The following CCDC171 variants were observed in gnomAD, a reference collection of about 807,000 sequenced individuals.
CCDC171 encodes coiled-coil domain-containing protein 171.
In CCDC171, 177 loss-of-function variants were observed where a neutral mutation model predicts 168.2. The observed-to-expected ratio is 1.05, with a 90% CI of 0.93 to 1.19. CCDC171 has a LOEUF of 1.19. Ranked by LOEUF, CCDC171 falls within the 50% of genes most tolerant of loss-of-function variation. The pLI is 0.00. For synonymous variants in CCDC171, 687 were observed against 540.8 expected, an observed-to-expected ratio of 1.27 and a Z score of -3.75; for missense variants, 1,991 against 1,539.0, an observed-to-expected ratio of 1.29 and a Z score of -4.91.
chr9:15,921,241 A>G (rs191842541), intron 25 of CCDC171, among the ~76,000 whole-genome samples: 9 of 151,722 alleles, frequency 5.9e-5, no homozygotes, highest in African/African-American at 2.2e-4. Context: ...ATTAAAACAA[A>G]TAGATGCATG....
At chr9:15,896,432 T>G (rs1303563665) in intron 24 of CCDC171, among the ~76,000 whole-genome samples, 1 of 152,100 alleles carries the variant, frequency 6.6e-6, no homozygotes, top group Non-Finnish European at 1.5e-5. Context: ...ATGGTGCCAG[T>G]AAAAACTTTG....
At chr9:16,090,231 GA>G in the CCDC171 span, among the ~76,000 whole-genome samples, 10 of 152,312 alleles carry the variant, frequency 6.6e-5, no homozygotes, top group South Asian at 1.9e-3. Context: ...CATGGAATAT[GA>G]AGCAGCCATA....
chr9:16,002,421 T>C (rs371460801), intron 3 of CCDC171, among the ~76,000 whole-genome samples: 10 of 151,894 alleles, frequency 6.6e-5, no homozygotes, highest in African/African-American at 2.4e-4. Flanking sequence ...TTTTAAAAAA[T>C]TAAAAATTTA....
rs566145674 is a variant in CCDC171 at position 15,925,992 on chromosome 9, A to T, written c.3753+5570A>T. 4.6e-5 allele frequency among the ~76,000 whole-genome samples: 7 copies of T among 151,832 alleles called. No individual in the cohort carries two copies. The South Asian group carries it at 1.5e-3, about 31-fold the overall frequency. ...AGGTATGGAGACAGAGGTGAATAAGACATGCTCTGCCCTTGTGAGTTCCTC... is the reference window on the plus strand; with the variant it reads ...AGGTATGGAGACAGAGGTGAATAAGTCATGCTCTGCCCTTGTGAGTTCCTC... On this transcript the variant is annotated intron_variant, in intron 25 of 25. Coordinates refer to ENST00000380701, the MANE Select transcript of CCDC171 (RefSeq NM_173550.4).
At chr9:15,635,978 A>G (rs747277136) in intron 7 of CCDC171, among the ~76,000 whole-genome samples, 2 of 151,996 alleles carry the variant, frequency 1.3e-5, no homozygotes, top group Admixed American at 6.6e-5. Flanking sequence ...TATTACAACC[A>G]CTGTAGTAGG....
intron 1 of CCDC171, among the ~76,000 whole-genome samples, chr9:16,043,545 T>C (rs1833607164): frequency 6.6e-6 from 1 of 152,208 alleles, no homozygotes; most frequent in South Asian, 2.1e-4. Flanking sequence ...ACAATATTTG[T>C]TTTCCATGGT....
intron 3 of CCDC171, among the ~76,000 whole-genome samples, chr9:15,991,204 A>AAC (rs569985598): frequency 1.3e-3 from 196 of 152,338 alleles, no homozygotes; most frequent in African/African-American, 4.5e-3. Context: ...AATTTAAAAG[A>AAC]ACAGAAATTA....
chr9:16,059,436 T>C (rs1312943695), intron 1 of CCDC171, among the ~76,000 whole-genome samples: 1 of 151,066 alleles, frequency 6.6e-6, no homozygotes, highest in African/African-American at 2.4e-5. Context: ...AAACGGCACC[T>C]CAAGGGGGCT....
intron 24 of CCDC171, among the ~76,000 whole-genome samples, chr9:15,884,272 G>T (rs910588545): frequency 3.3e-5 from 2 of 60,610 alleles, no homozygotes; most frequent in African/African-American, 6.7e-5. Flanking sequence ...TGATTATGAG[G>T]ATCCTATAAC....
intron 18 of CCDC171, among the ~76,000 whole-genome samples, chr9:15,776,656 G>T (rs553859198): frequency 2.0e-5 from 3 of 152,310 alleles, no homozygotes; most frequent in African/African-American, 7.2e-5. Flanking sequence ...CCATGAGACA[G>T]TTCTTTATGC....
intron 24 of CCDC171, among the ~76,000 whole-genome samples, chr9:15,909,186 T>C (rs1267960317): frequency 1.3e-5 from 2 of 152,210 alleles, no homozygotes; most frequent in East Asian, 1.9e-4. Context: ...AAAGCAAGGC[T>C]AAGGCCTTCT....
the CCDC171 span, among the ~76,000 whole-genome samples, chr9:16,078,621 T>A: frequency 1.3e-5 from 2 of 152,184 alleles, no homozygotes; most frequent in Non-Finnish European, 2.9e-5. Context: ...AAATAGGAGC[T>A]GTTCAAGAAA....
rs898302688 is a variant in CCDC171 at position 15,816,496 on chromosome 9, T to A, written c.3268-30206T>A. Among the ~76,000 whole-genome samples, 42 of 118,910 alleles carry A rather than the reference T, an allele frequency of 3.5e-4. 11 individuals are homozygous for A. The highest frequency in any genetic ancestry group is 1.3e-3 in the African/African-American group (41 of 31,830). The allele number at this position is 118,910 out of a possible 152,430, so 78.0% of individuals were successfully genotyped here. ...TGCAGTGACATTATTTTTACTTATA[T>A]TTTCGAAGAATAATTCTAGCATCTA... is the stretch of plus-strand genomic sequence containing the variant. On this transcript the variant is annotated intron_variant, in intron 21 of 25. Transcript: ENST00000380701.
chr9:15,775,532 A>G (rs1216799032), intron 18 of CCDC171, among the ~76,000 whole-genome samples: 2 of 152,166 alleles, frequency 1.3e-5, no homozygotes, highest in African/African-American at 4.8e-5. Flanking sequence ...TTTAGCCAGG[A>G]TGGTCTCGAT....
At chr9:15,709,876 G>C (rs2052528054) in intron 11 of CCDC171, among the ~76,000 whole-genome samples, 1 of 151,952 alleles carries the variant, frequency 6.6e-6, no homozygotes, top group South Asian at 2.1e-4. Flanking sequence ...TGTACAAAAG[G>C]AGGCAGAATA....
intron 18 of CCDC171, among the ~76,000 whole-genome samples, chr9:15,762,778 T>G (rs769987842): frequency 3.9e-5 from 6 of 152,212 alleles, no homozygotes; most frequent in Non-Finnish European, 7.3e-5. Context: ...TTTCACCTGT[T>G]TTGGAGTCAG....
intron 25 of CCDC171, among the ~76,000 whole-genome samples, chr9:15,964,628 C>G (rs1190114279): frequency 6.6e-6 from 1 of 151,624 alleles, no homozygotes; most frequent in Non-Finnish European, 1.5e-5. Context: ...AATTCTTCAA[C>G]TCTTTTTCTA....
chr9:15,631,317 C>G (rs1259913269), intron 7 of CCDC171, among the ~76,000 whole-genome samples: 2 of 151,786 alleles, frequency 1.3e-5, no homozygotes, highest in Non-Finnish European at 2.9e-5. Context: ...CAAATAGATG[C>G]AAGAAAAAAT....
chr9:16,013,269 C>G (rs1832922284), intron 3 of CCDC171, among the ~76,000 whole-genome samples: 1 of 152,192 alleles, frequency 6.6e-6, no homozygotes, highest in Non-Finnish European at 1.5e-5. Context: ...CACAGCCTCT[C>G]CAGTCAGGCC....
Sources: gnomAD v4.1 joint callset for allele counts (sites outside exome capture counted in the v4.1 genomes callset) on GRCh38, gnomAD v4.1.1 for gene constraint, MANE v1.5 for transcripts, NCBI Gene and HGNC (gene_info 2026-07-23, HGNC 2026-07-21) for gene names.